The following PDE4D variants were observed in gnomAD, a reference collection of about 807,000 sequenced individuals.
The protein encoded by PDE4D is 3',5'-cyclic-AMP phosphodiesterase 4D.
PDE4D carries 24 observed loss-of-function variants against 87.4 expected under a neutral mutation model. That is an observed-to-expected ratio of 0.27 (90% CI 0.20 to 0.39). PDE4D has a LOEUF of 0.39. PDE4D is among the 10% of genes least tolerant of loss of function. The pLI is 1.00. For synonymous variants in PDE4D, 384 were observed against 383.2 expected (o/e 1.00, Z -0.02); for missense variants, 714 against 1,041.0 (o/e 0.69, Z 4.32).
upstream of PDE4D, chr5:60,490,095 A>G (rs1481853859): frequency 2.6e-5 from 4 of 152,216 alleles, no homozygotes; most frequent in Non-Finnish European, 5.9e-5. Context: ...TGAGTTACAG[A>G]CTGTCCCCTG....
At chr5:59,496,795 G>T (rs368931473) in intron 1 of PDE4D, among the ~76,000 whole-genome samples, 7 of 152,210 alleles carry the variant, frequency 4.6e-5, no homozygotes, top group African/African-American at 1.7e-4. Flanking sequence ...TTGCGGACTC[G>T]AAGGTGGCTC....
chr5:59,220,164 G>C (rs981031438), intron 1 of PDE4D, among the ~76,000 whole-genome samples: 1 of 152,004 alleles, frequency 6.6e-6, no homozygotes, highest in Non-Finnish European at 1.5e-5. Context: ...GGAGTAAGAT[G>C]AGGAAGACCA....
chr5:60,410,389 C>G (rs1427314332), intron 1 of PDE4D, among the ~76,000 whole-genome samples: 3 of 152,088 alleles, frequency 2.0e-5, no homozygotes, highest in African/African-American at 7.2e-5. Context: ...CTGGAAAATC[C>G]TGGAACACAG....
Position 60,442,591 on chromosome 5 carries a change from TAATA to T in PDE4D, c.-90+45347_-90+45350del, listed in dbSNP as rs1200565467. On this transcript the variant is annotated intron_variant, in intron 1 of 16. Coordinates refer to the PDE4D transcript ENST00000502484. ...CAGAAATTAAAGTATAATAATAAAA[TAATA>T]AATAAATAGCCAATACAATATTAAA... Among the ~76,000 whole-genome samples, 4 of 151,950 alleles carry T rather than the reference TAATA, an allele frequency of 2.6e-5. No individual in the cohort carries two copies. In the East Asian group the frequency reaches 5.8e-4, roughly 22 times the overall value.
chr5:59,196,570 AG>A (rs1745495980), intron 2 of PDE4D, among the ~76,000 whole-genome samples: 1 of 152,212 alleles, frequency 6.6e-6, no homozygotes, highest in Non-Finnish European at 1.5e-5. Flanking sequence ...AAATATTTAC[AG>A]ATACACCAGT....
intron 1 of PDE4D, among the ~76,000 whole-genome samples, chr5:59,557,456 G>A (rs1819143967): frequency 6.6e-6 from 1 of 152,076 alleles, no homozygotes; most frequent in Non-Finnish European, 1.5e-5. Context: ...ATTGCCGACT[G>A]GCTGTGTGCC....
intron 2 of PDE4D, among the ~76,000 whole-genome samples, chr5:60,076,071 G>A (rs1046293701): frequency 2.0e-5 from 3 of 152,052 alleles, no homozygotes; most frequent in Non-Finnish European, 2.9e-5. Flanking sequence ...ATCATTTGGA[G>A]GAAAGAAGAC....
At chr5:59,567,178 A>G (rs76626302) in intron 1 of PDE4D, among the ~76,000 whole-genome samples, 1,703 of 152,314 alleles carry the variant, frequency 0.011, 32 homozygotes, top group African/African-American at 0.039. Flanking sequence ...GTTCCTAACC[A>G]TCTAGCCACG....
At chr5:60,205,072 C>T (rs575383658) in intron 1 of PDE4D, among the ~76,000 whole-genome samples, 12 of 152,280 alleles carry the variant, frequency 7.9e-5, no homozygotes, top group African/African-American at 2.9e-4. Context: ...CATACTCCCC[C>T]ACCTTCCTTG....
At chr5:59,623,722 T>C (rs1830586638) in intron 1 of PDE4D, among the ~76,000 whole-genome samples, 1 of 152,196 alleles carries the variant, frequency 6.6e-6, no homozygotes. Context: ...GAAAAAAAGA[T>C]TAGTCATCTT....
At chr5:60,392,709 A>G (rs975230344) in intron 1 of PDE4D, among the ~76,000 whole-genome samples, 2 of 152,160 alleles carry the variant, frequency 1.3e-5, no homozygotes, top group Non-Finnish European at 2.9e-5. Context: ...GCCTTTTGTT[A>G]ATCCCACCCT....
chr5:60,270,625 A>G (rs1477310608), intron 1 of PDE4D, among the ~76,000 whole-genome samples: 1 of 152,148 alleles, frequency 6.6e-6, no homozygotes, highest in African/African-American at 2.4e-5. Context: ...AATGTCACTA[A>G]CATATAAAAC....
chr5:59,553,047 A>G (rs970634484), intron 1 of PDE4D, among the ~76,000 whole-genome samples: 7 of 152,176 alleles, frequency 4.6e-5, no homozygotes, highest in Admixed American at 4.6e-4. Flanking sequence ...AGGACTGTTT[A>G]TTTAAAGCAA....
intron 1 of PDE4D, chr5:59,275,974 C>A (rs1764716770): frequency 1.0e-6 from 1 of 985,132 alleles, no homozygotes. Flanking sequence ...GATTTACCTG[C>A]GAAAGTAATT....
chr5:59,612,328 T>TC (rs1213021025), intron 1 of PDE4D, among the ~76,000 whole-genome samples: 18 of 151,930 alleles, frequency 1.2e-4, no homozygotes, highest in African/African-American at 4.3e-4. Context: ...TTTTACAGAT[T>TC]CCAACAACCA....
chr5:59,735,932 G>T (rs897050620), intron 1 of PDE4D, among the ~76,000 whole-genome samples: 1 of 151,968 alleles, frequency 6.6e-6, no homozygotes, highest in Non-Finnish European at 1.5e-5. Flanking sequence ...GCCTCCCAAA[G>T]TTCTAGGATT....
chr5:60,147,670 G>A, intron 2 of PDE4D: 1 of 421,780 alleles, frequency 2.4e-6, no homozygotes, highest in Non-Finnish European at 4.7e-6. Flanking sequence ...TCAAGAGATT[G>A]CAGTCAAGCC....
At chr5:59,124,326 C>A (rs1405228519) in intron 5 of PDE4D, among the ~76,000 whole-genome samples, 1 of 152,184 alleles carries the variant, frequency 6.6e-6, no homozygotes, top group East Asian at 1.9e-4. Context: ...TGCTGTAAAA[C>A]CAGGAGCTAG....
intron 1 of PDE4D, among the ~76,000 whole-genome samples, chr5:60,325,634 G>A (rs1320152974): frequency 6.6e-6 from 1 of 151,918 alleles, no homozygotes; most frequent in Non-Finnish European, 1.5e-5. Flanking sequence ...GATAATTGTA[G>A]ATTCACATGC....
Sources: allele counts gnomAD v4.1 joint callset (sites outside exome capture counted in the v4.1 genomes callset), GRCh38; gene constraint gnomAD v4.1.1; transcripts MANE v1.5; gene names NCBI Gene and HGNC (gene_info 2026-07-23, HGNC 2026-07-21).